The following SLC39A9 variants were observed in gnomAD, a reference collection of about 807,000 sequenced individuals.
The protein encoded by SLC39A9 is zinc transporter ZIP9.
SLC39A9 carries 14 observed loss-of-function variants against 28.4 expected under a neutral mutation model. That is an observed-to-expected ratio of 0.49 (90% confidence interval 0.33 to 0.77). The LOEUF (loss-of-function observed/expected upper bound fraction) is 0.77, where lower values mean the gene tolerates loss of function less well. SLC39A9 is among the 30% of genes least tolerant of loss of function. The pLI, the probability that SLC39A9 is intolerant of heterozygous loss-of-function variation, is 0.02. For synonymous variants in SLC39A9, 119 were observed against 149.6 expected (o/e 0.80, Z 1.49); for missense variants, 283 against 381.1 (o/e 0.74, Z 2.14).
At position 69,459,578 on chromosome 14, in the gene SLC39A9, T is replaced by TC; in HGVS notation, c.*986dup. ...TTTGTTTTTTTTTTTTTTAATTATT[T>TC]CTCTTAGCAGATCAGCAATCCCTCT... On this transcript the variant is annotated 3_prime_UTR_variant, in exon 7 of 7. Transcript: ENST00000336643. 1.0e-6 allele frequency: 1 copy of TC among 976,690 alleles called. No individual in the cohort carries two copies. The highest frequency in any genetic ancestry group is 1.2e-6 in the Non-Finnish European group (1 of 822,518). The allele number at this position is 976,690 out of a possible 1,614,324, so 60.5% of individuals were successfully genotyped here.
chr14:69,403,852 T>A (rs759184564), intron 1 of SLC39A9, among the ~76,000 whole-genome samples: 4 of 151,914 alleles, frequency 2.6e-5, no homozygotes, highest in Non-Finnish European at 5.9e-5. Context: ...GAGACCACCC[T>A]GACCAACACG....
intron 1 of SLC39A9, among the ~76,000 whole-genome samples, chr14:69,402,068 G>A (rs762381301): frequency 2.6e-5 from 4 of 152,064 alleles, no homozygotes; most frequent in Non-Finnish European, 5.9e-5. Context: ...GCCTTTTTAA[G>A]GAAGTCTGGC....
intron 1 of SLC39A9, among the ~76,000 whole-genome samples, chr14:69,419,607 A>C (rs1446814476): frequency 1.3e-5 from 2 of 152,112 alleles, no homozygotes; most frequent in Non-Finnish European, 2.9e-5. Flanking sequence ...GGGGTGTTAA[A>C]ACCTCCCATT....
chr14:69,414,117 C>T (rs1475806572), intron 1 of SLC39A9, among the ~76,000 whole-genome samples: 1 of 148,088 alleles, frequency 6.8e-6, no homozygotes, highest in Non-Finnish European at 1.5e-5. Flanking sequence ...GTGGCACAGT[C>T]TCAGCTCACT....
rs955145515 is a variant in SLC39A9, at chr14:69,412,602, G to A, written c.97-11492G>A. On this transcript the variant is annotated intron_variant, in intron 1 of 6. Transcript: ENST00000336643. Reference sequence around the variant, plus strand: ...TTGTTTGTATCAGAGCCCAGTGGCCGGTACCAAGTCCCCAGTGCTTTGCTT... The same window carrying A: ...TTGTTTGTATCAGAGCCCAGTGGCCAGTACCAAGTCCCCAGTGCTTTGCTT... 2.6e-5 allele frequency among the ~76,000 whole-genome samples: 4 copies of A among 152,068 alleles called. No homozygotes were observed. The East Asian group carries it at 7.7e-4, about 29-fold the overall frequency.
intron 2 of SLC39A9, among the ~76,000 whole-genome samples, chr14:69,424,549 TATTTAA>T (rs1022321880): frequency 1.2e-4 from 18 of 152,144 alleles, no homozygotes; most frequent in African/African-American, 4.3e-4. Context: ...TAGATATAAA[TATTTAA>T]ATTTAAGGAC....
intron 1 of SLC39A9, among the ~76,000 whole-genome samples, chr14:69,419,461 G>A (rs1319327929): frequency 6.6e-6 from 1 of 152,140 alleles, no homozygotes; most frequent in Admixed American, 6.5e-5. Context: ...GTGGTGCTGA[G>A]AACAATGTAT....
At position 69,419,191 on chromosome 14, in the gene SLC39A9, G is replaced by T. The variant is rs529717060; in HGVS notation, c.97-4903G>T. Among the ~76,000 whole-genome samples, 3 of 152,242 alleles carry T rather than the reference G, an allele frequency of 2.0e-5. No individual in the cohort carries two copies. The East Asian group carries it at 5.8e-4, about 29-fold the overall frequency. ...CTTTAAATGTGTCCCAGAGATTCTG[G>T]TACATTGTGTCTTTGTTCTCATTGG... On this transcript the variant is annotated intron_variant, in intron 1 of 6. Transcript: ENST00000336643.
chr14:69,461,110 C>T lies in SLC39A9; in HGVS notation c.*2517C>T. The stretch of plus-strand genomic sequence containing the variant: ...AACACATTTGAAAACATTGGCAATA[C>T]TTAAGTTGCTGCCATGATTACAGAT... On this transcript the variant is annotated 3_prime_UTR_variant, in exon 7 of 7. Coordinates refer to ENST00000336643, the MANE Select transcript of SLC39A9 (RefSeq NM_018375.5). The T allele has an allele frequency of 1.0e-6, 1 of 986,684 alleles. No homozygotes were observed. Among genetic ancestry groups the T allele is most frequent in the Non-Finnish European group, 1.2e-6 (1 of 830,822 alleles). The allele number at this position is 986,684 out of a possible 1,614,324, so 61.1% of individuals were successfully genotyped here.
At chr14:69,409,926 C>T (rs985106551) in intron 1 of SLC39A9, among the ~76,000 whole-genome samples, 3 of 152,074 alleles carry the variant, frequency 2.0e-5, no homozygotes, top group Non-Finnish European at 4.4e-5. Context: ...TATCATTATT[C>T]ATTTTTAAAA....
chr14:69,441,892 T>G, intron 2 of SLC39A9, 177 bp from the exon 3 acceptor site: 1 of 1,388,408 alleles, frequency 7.2e-7, no homozygotes, highest in East Asian at 2.7e-5. Flanking sequence ...CATTTGGGAA[T>G]TTTTTCATCA....
intron 1 of SLC39A9, among the ~76,000 whole-genome samples, chr14:69,412,235 A>G (rs1224016475): frequency 2.0e-5 from 3 of 151,550 alleles, no homozygotes; most frequent in Non-Finnish European, 4.4e-5. Flanking sequence ...TAAAAATACA[A>G]AAAATTAGCC....
At chr14:69,401,772 A>G (rs1882647374) in intron 1 of SLC39A9, among the ~76,000 whole-genome samples, 1 of 152,164 alleles carries the variant, frequency 6.6e-6, no homozygotes, top group African/African-American at 2.4e-5. Flanking sequence ...AGCATTCATA[A>G]TATCTGTTTA....
At chr14:69,401,194 C>G (rs1882614021) in intron 1 of SLC39A9, among the ~76,000 whole-genome samples, 1 of 152,034 alleles carries the variant, frequency 6.6e-6, no homozygotes, top group African/African-American at 2.4e-5. Context: ...GCAGACTGTT[C>G]CATTAGCAGA....
At chr14:69,427,615 T>G (rs1236459598) in intron 2 of SLC39A9, among the ~76,000 whole-genome samples, 1 of 152,196 alleles carries the variant, frequency 6.6e-6, no homozygotes, top group Non-Finnish European at 1.5e-5. Context: ...TCTCAACCCC[T>G]GGCAACCACT....
intron 5 of SLC39A9, among the ~76,000 whole-genome samples, chr14:69,455,110 C>T (rs1444206026): frequency 6.6e-6 from 1 of 152,100 alleles, no homozygotes; most frequent in Non-Finnish European, 1.5e-5. Context: ...TAGACATATA[C>T]ACAAATTGTC....
Position 69,461,163 on chromosome 14 carries a change from A to G in SLC39A9, c.*2570A>G, listed in dbSNP as rs1020711995. On this transcript the variant is annotated 3_prime_UTR_variant, in exon 7 of 7. Coordinates refer to ENST00000336643, the MANE Select transcript of SLC39A9 (RefSeq NM_018375.5). ...AATTATTGGCTACCAAAGAGACGCAATTGATGATGAGAAGCATGATTCTTG... is the reference window on the plus strand; with the variant it reads ...AATTATTGGCTACCAAAGAGACGCAGTTGATGATGAGAAGCATGATTCTTG... 2.0e-6 allele frequency: 2 copies of G among 987,258 alleles called. No homozygotes were observed. The highest frequency in any genetic ancestry group is 1.7e-5 in the African/African-American group (1 of 57,384). 61.2% of individuals were successfully genotyped at this position (987,258 alleles called of 1,614,324 possible).
Position 69,459,340 on chromosome 14 carries a change from A to G in SLC39A9, c.*747A>G, listed in dbSNP as rs1866990612. The G allele has an allele frequency of 2.0e-6, 2 of 985,438 alleles. No homozygotes were observed. Among genetic ancestry groups the G allele is most frequent in the African/African-American group, 1.7e-5 (1 of 57,348 alleles). The allele number at this position is 985,438 out of a possible 1,614,324, so 61.0% of individuals were successfully genotyped here. ...TGGTATTTTGTAGCATTCCTTGTCAAGTTCTCCTTTGCAGAATACCTGTCT... is the reference window on the plus strand; with the variant it reads ...TGGTATTTTGTAGCATTCCTTGTCAGGTTCTCCTTTGCAGAATACCTGTCT... On this transcript the variant is annotated 3_prime_UTR_variant, in exon 7 of 7. Coordinates refer to ENST00000336643, the MANE Select transcript of SLC39A9 (RefSeq NM_018375.5).
At chr14:69,446,039 T>C (rs937436409) in intron 3 of SLC39A9, among the ~76,000 whole-genome samples, 6 of 151,958 alleles carry the variant, frequency 3.9e-5, no homozygotes, top group Non-Finnish European at 8.8e-5. Context: ...TTGTTGTTGT[T>C]GTTGTTGTTT....
Sources: gnomAD v4.1 joint callset for allele counts (sites outside exome capture counted in the v4.1 genomes callset) on GRCh38, gnomAD v4.1.1 for gene constraint, MANE v1.5 for transcripts, NCBI Gene and HGNC (gene_info 2026-07-23, HGNC 2026-07-21) for gene names.